The following SRGAP2C variants were observed in gnomAD, a reference collection of about 807,000 sequenced individuals.
SRGAP2C encodes SLIT-ROBO Rho GTPase activating protein 2C.
Under a neutral mutation model 25.1 loss-of-function variants are expected in SRGAP2C, and 15 were observed. The observed-to-expected ratio is 0.60, with a 90% CI of 0.40 to 0.92. SRGAP2C has a LOEUF of 0.92. SRGAP2C is among the 40% of genes least tolerant of loss of function. The pLI is 0.00. For missense variants in SRGAP2C, 144 were observed against 264.4 expected (o/e 0.54, Z 3.16); for synonymous variants, 44 against 96.6 (o/e 0.46, Z 3.19).
In SRGAP2C at chr1:121,237,271, TC is replaced by T. The variant is rs1655981312; in HGVS notation, c.68-47527del. Among the ~76,000 whole-genome samples the T allele has an allele frequency of 2.7e-5, 4 of 146,574 alleles. No homozygotes were observed. The East Asian group carries it at 8.2e-4, about 30-fold the overall frequency. ...GTAGGGAAAAAGCTAGGAGCTTTGC[TC>T]CCCCATCCTCTACTTGGGTTCTGGA... On this transcript the variant is annotated intron_variant, in intron 2 of 9. Transcript: ENST00000367123.
chr1:121,242,479 G>GT (rs1315232583), intron 2 of SRGAP2C, among the ~76,000 whole-genome samples: 1 of 39,144 alleles, frequency 2.6e-5, no homozygotes, highest in African/African-American at 1.0e-4. Flanking sequence ...GAGGCATACT[G>GT]TTCTATCTCA....
chr1:121,308,552 G>A (rs1657902717), intron 3 of SRGAP2C, among the ~76,000 whole-genome samples: 1 of 150,018 alleles, frequency 6.7e-6, no homozygotes, highest in African/African-American at 2.4e-5. Context: ...GAGGTGGGAG[G>A]ATTGCTTGAG....
chr1:121,385,788 C>T (rs1341036518), intron 8 of SRGAP2C, among the ~76,000 whole-genome samples: 1 of 151,678 alleles, frequency 6.6e-6, no homozygotes, highest in African/African-American at 2.4e-5. Context: ...ATGACCTCAT[C>T]CCATAACCAC....
At chr1:121,353,135 C>A (rs1263154222) in intron 4 of SRGAP2C, among the ~76,000 whole-genome samples, 5 of 145,968 alleles carry the variant, frequency 3.4e-5, no homozygotes, top group Non-Finnish European at 7.5e-5. Flanking sequence ...AGTGAATAAT[C>A]ACTGTTAAAA....
At chr1:121,374,267 TG>T (rs1386673024) in intron 6 of SRGAP2C, 81 bp downstream of exon 6, 1 of 620,714 alleles carries the variant, frequency 1.6e-6, no homozygotes, top group Non-Finnish European at 3.0e-6. Context: ...CAATAGTCAC[TG>T]GGAAGAGCAG....
chr1:121,295,924 G>A (rs1381296187), intron 3 of SRGAP2C, among the ~76,000 whole-genome samples: 47 of 152,236 alleles, frequency 3.1e-4, no homozygotes, highest in Non-Finnish European at 4.0e-4. Flanking sequence ...ATGACGCCAG[G>A]CTAATTTTGT....
In SRGAP2C at chr1:121,314,692, G is replaced by T. The variant is rs1487292084; in HGVS notation, c.261-9786G>T. Among the ~76,000 whole-genome samples the T allele has an allele frequency of 2.7e-5, 4 of 150,750 alleles. No individual in the cohort carries two copies. In the South Asian group the frequency reaches 8.4e-4, roughly 32 times the overall value. ...CTGTTGGAATACCCTGCTGTGTGAG[G>T]TGTCAGTGTGCCCCTGCTGGGGGGT... On this transcript the variant is annotated intron_variant, in intron 3 of 9. Coordinates refer to ENST00000367123, the MANE Select transcript of SRGAP2C (RefSeq NM_001329984.2).
intron 5 of SRGAP2C, among the ~76,000 whole-genome samples, chr1:121,370,404 G>C (rs1420336348): frequency 6.9e-6 from 1 of 144,352 alleles, no homozygotes; most frequent in Non-Finnish European, 1.5e-5. Context: ...TACAATGGGA[G>C]AGGGGATCTT....
chr1:121,363,159 AG>A (rs1553348915), intron 4 of SRGAP2C, among the ~76,000 whole-genome samples: 1 of 150,658 alleles, frequency 6.6e-6, no homozygotes, highest in East Asian at 2.0e-4. Context: ...GAGGTTAACC[AG>A]GTTGTCCAGA....
intron 2 of SRGAP2C, among the ~76,000 whole-genome samples, chr1:121,267,993 A>G (rs1419142028): frequency 2.0e-5 from 3 of 150,284 alleles, no homozygotes; most frequent in African/African-American, 7.3e-5. Flanking sequence ...ACAGCTCTTG[A>G]TTCATTCATT....
At chr1:121,322,980 G>C (rs1553341300) in intron 3 of SRGAP2C, among the ~76,000 whole-genome samples, 1 of 151,886 alleles carries the variant, frequency 6.6e-6, no homozygotes, top group Non-Finnish European at 1.5e-5. Flanking sequence ...GAGAGTACTC[G>C]CTTTGCAGTT....
intron 2 of SRGAP2C, among the ~76,000 whole-genome samples, chr1:121,217,307 CA>C (rs1395250230): frequency 7.2e-6 from 1 of 138,294 alleles, no homozygotes; most frequent in Non-Finnish European, 1.5e-5. Context: ...ATTTAATTTT[CA>C]GGGGAAAAAA....
chr1:121,223,985 T>G (rs1363757841), intron 2 of SRGAP2C, among the ~76,000 whole-genome samples: 2 of 151,468 alleles, frequency 1.3e-5, no homozygotes, highest in Non-Finnish European at 2.9e-5. Flanking sequence ...ACTCACCTCA[T>G]TTTTACAGAG....
chr1:121,314,477 G>T (rs879241751), intron 3 of SRGAP2C, among the ~76,000 whole-genome samples: 1 of 152,172 alleles, frequency 6.6e-6, no homozygotes, highest in East Asian at 1.9e-4. Flanking sequence ...GAGAAACTGC[G>T]TTCCTTTGGA....
At chr1:121,308,789 A>G (rs1657909590) in intron 3 of SRGAP2C, among the ~76,000 whole-genome samples, 1 of 145,260 alleles carries the variant, frequency 6.9e-6, no homozygotes, top group Non-Finnish European at 1.5e-5. Context: ...AAAACACAAA[A>G]TTAGCCGAGC....
At chr1:121,207,348 G>T (rs1379972092) in intron 2 of SRGAP2C, among the ~76,000 whole-genome samples, 1 of 151,566 alleles carries the variant, frequency 6.6e-6, no homozygotes, top group African/African-American at 2.4e-5. Context: ...GCCTTGCTCC[G>T]AGTTTGGTTG....
intron 2 of SRGAP2C, among the ~76,000 whole-genome samples, chr1:121,206,213 C>A (rs1360764223): frequency 3.2e-4 from 49 of 152,024 alleles, no homozygotes; most frequent in African/African-American, 1.1e-3. Context: ...TGCTCCTTCC[C>A]CCAGACTACA....
intron 2 of SRGAP2C, 21 bp from the exon 3 acceptor site, chr1:121,284,782 C>G: frequency 1.7e-6 from 1 of 588,928 alleles, no homozygotes; most frequent in South Asian, 2.3e-5. Flanking sequence ...TTCTGACTGT[C>G]TTCTCTTGTT....
chr1:121,254,026 C>T (rs1388331918), intron 2 of SRGAP2C, among the ~76,000 whole-genome samples: 1 of 151,578 alleles, frequency 6.6e-6, no homozygotes, highest in Non-Finnish European at 1.5e-5. Flanking sequence ...AATTCTCCTG[C>T]CTCAGCTTCC....
Sources: allele counts gnomAD v4.1 joint callset (sites outside exome capture counted in the v4.1 genomes callset), GRCh38; gene constraint gnomAD v4.1.1; transcripts MANE v1.5; gene names NCBI Gene and HGNC (gene_info 2026-07-23, HGNC 2026-07-21).